The following FARSA variants were observed in gnomAD, a reference collection of about 807,000 sequenced individuals.
FARSA encodes the protein phenylalanine--tRNA ligase alpha subunit.
Under a neutral mutation model 63.2 loss-of-function variants are expected in FARSA, and 37 were observed. The observed-to-expected ratio is 0.59, with a 90% confidence interval of 0.45 to 0.77. FARSA has a LOEUF of 0.77. Among genes scored for constraint, FARSA ranks in the 30% least tolerant of loss-of-function variants. The pLI is 0.00. For synonymous variants in FARSA, 312 were observed against 285.1 expected (o/e 1.09, Z -0.95); for missense variants, 618 against 696.6 (o/e 0.89, Z 1.27).
chr19:12,926,246 C>T (rs921420025), intron 7 of FARSA, among the ~76,000 whole-genome samples: 14 of 149,932 alleles, frequency 9.3e-5, no homozygotes, highest in African/African-American at 3.4e-4. Flanking sequence ...CCACCGCGCC[C>T]GGCCTATTTT....
At chr19:12,933,317 C>T in intron 1 of FARSA, 1 of 513,066 alleles carries the variant, frequency 1.9e-6, no homozygotes, top group Non-Finnish European at 3.4e-6. Flanking sequence ...CCTCGTCCAT[C>T]ATCGTACCCT....
At chr19:12,931,465 T>C (rs1377628531) in intron 1 of FARSA, among the ~76,000 whole-genome samples, 1 of 152,214 alleles carries the variant, frequency 6.6e-6, no homozygotes, top group East Asian at 1.9e-4. Flanking sequence ...GGTTTCACCA[T>C]GTTGGCCAGG....
Position 12,925,119 on chromosome 19 carries a change from G to C in FARSA, c.897C>G (p.Thr299=). The C allele has an allele frequency of 6.2e-7, 1 of 1,609,954 alleles. No individual in the cohort carries two copies. The highest frequency in any genetic ancestry group is 8.5e-7 in the Non-Finnish European group (1 of 1,178,702). ...PMDYVQRVKR[T]HSQGGYGSQG... ...GTGAGCCGTAGCCGCCCTGAGAGTG[G>C]GTCCGCTTGACCCGCTGGACATAGT... The change falls in exon 8 of 13, where the codon ACC becomes ACG. Residue 299 remains threonine, a synonymous_variant. Coordinates refer to ENST00000314606, the MANE Select transcript of FARSA (RefSeq NM_004461.3).
At chr19:12,927,888 G>A (rs1971344437) in intron 7 of FARSA, among the ~76,000 whole-genome samples, 1 of 151,418 alleles carries the variant, frequency 6.6e-6, no homozygotes. Flanking sequence ...TGGGCATGGT[G>A]GTATGCACCT....
In FARSA at chr19:12,922,741, G is replaced by A. The variant is rs1391598014; in HGVS notation, c.*7C>T. On this transcript the variant is annotated 3_prime_UTR_variant, in exon 13 of 13. Transcript: ENST00000314606. ...GGGGAGGATGACCTGTCCTAGAGTG[G>A]CCCATGTCACGCAGCCTCCTGTGTG... is the stretch of plus-strand genomic sequence containing the variant. 2 of 1,613,210 alleles carry A rather than the reference G, an allele frequency of 1.2e-6. No individual in the cohort carries two copies.
chr19:12,933,504 T>G, intron 1 of FARSA, 46 bp downstream of exon 1: 2 of 1,529,576 alleles, frequency 1.3e-6, no homozygotes, highest in South Asian at 1.2e-5. Flanking sequence ...GCAAGGGGAC[T>G]GTAGGTGCAA....
chr19:12,927,889 G>GT, intron 7 of FARSA, among the ~76,000 whole-genome samples: 1 of 151,512 alleles, frequency 6.6e-6, no homozygotes, highest in African/African-American at 2.4e-5. Flanking sequence ...GGGCATGGTG[G>GT]TATGCACCTG....
At chr19:12,928,247 G>T in intron 7 of FARSA, 95 bp downstream of exon 7, 1 of 982,714 alleles carries the variant, frequency 1.0e-6, no homozygotes, top group Non-Finnish European at 1.5e-6. Flanking sequence ...CCCAGTTCTA[G>T]ACCTAATTTG....
intron 12 of FARSA, 92 bp from the exon 13 acceptor site, chr19:12,922,978 G>A: frequency 1.3e-6 from 2 of 1,566,486 alleles, no homozygotes; most frequent in Non-Finnish European, 1.7e-6. Context: ...CAGAGGAAAA[G>A]TTCAAGTTCT....
chr19:12,928,971 A>G, intron 4 of FARSA, 124 bp from the exon 5 acceptor site: 1 of 814,154 alleles, frequency 1.2e-6, no homozygotes, highest in Middle Eastern at 2.2e-4. Context: ...CCATCCTGAC[A>G]TTTATCACTA....
intron 1 of FARSA, among the ~76,000 whole-genome samples, chr19:12,932,104 C>T (rs1971404608): frequency 6.9e-6 from 1 of 145,072 alleles, no homozygotes; most frequent in Non-Finnish European, 1.5e-5. Flanking sequence ...GATCTCGGCT[C>T]ACTGCAACCT....
At position 12,930,450 on chromosome 19, in the gene FARSA, G is replaced by A. The variant is rs1235986080; in HGVS notation, c.363C>T (p.Asp121=). The change falls in exon 3 of 13, where the codon GAC becomes GAT. Residue 121 remains aspartate, a synonymous_variant. Transcript: ENST00000314606. ...KWIRVDKSAA[D]GPRVFRVVDS... ...GCACCACTCGGAACACCCGGGGCCC[G>A]TCAGCCGCACTCTTGTCCACCCGAA... 29 of 1,614,004 alleles carry A rather than the reference G, an allele frequency of 1.8e-5. No homozygotes were observed. Among genetic ancestry groups the A allele is most frequent in the African/African-American group, 4.0e-5 (3 of 74,942 alleles).
At chr19:12,927,723 CTG>C (rs1449105801) in intron 7 of FARSA, among the ~76,000 whole-genome samples, 1 of 71,708 alleles carries the variant, frequency 1.4e-5, no homozygotes, top group African/African-American at 6.3e-5. Context: ...CAGAATGAGA[CTG>C]TCTCAAAAAA....
Position 12,924,427 on chromosome 19 carries a change from C to T in FARSA, c.1273+22G>A. 1 of 1,610,994 alleles carries T rather than the reference C, an allele frequency of 6.2e-7. No homozygotes were observed. The highest frequency in any genetic ancestry group is 8.5e-7 in the Non-Finnish European group (1 of 1,178,588). On this transcript the variant is annotated intron_variant, in intron 11 of 12. Coordinates refer to ENST00000314606, the MANE Select transcript of FARSA (RefSeq NM_004461.3). This position sits in a 1 kb window ranked among gnomAD's most constrained non-coding sequence, Gnocchi z 6.4. ...GTAGCCTGAGACCTCCCTCCCACCCCAGTACCAGGGCCTACCCTGACCTTG... is the reference window on the plus strand; with the variant it reads ...GTAGCCTGAGACCTCCCTCCCACCCTAGTACCAGGGCCTACCCTGACCTTG...
chr19:12,928,321 A>G (rs747175353), intron 7 of FARSA, 21 bp downstream of exon 7: 2 of 1,597,806 alleles, frequency 1.3e-6, no homozygotes, highest in South Asian at 2.2e-5. Context: ...TGTCTCAGGG[A>G]GGCCCTAGGG....
chr19:12,928,603 G>A lies in FARSA; in HGVS notation c.657C>T (p.Pro219=), dbSNP rs767844578. The A allele has an allele frequency of 2.3e-5, 37 of 1,612,396 alleles. No individual in the cohort carries two copies. The highest frequency in any genetic ancestry group is 6.7e-5 in the East Asian group (3 of 44,798). The part of the protein sequence containing the change: ...PYNFLAHGVL[P]DSGHLHPLLK... ...GCAGCGGGTGAAGGTGGCCGCTGTC[G>A]GGGAGGACACCGTGGGCCAAGAAGT... Residue 219 remains proline, a synonymous_variant, in exon 6 of 13, where the codon CCC becomes CCT. Transcript: ENST00000314606.
At chr19:12,933,517 G>A (rs1358871924) in intron 1 of FARSA, 33 bp downstream of exon 1, 8 of 1,535,666 alleles carry the variant, frequency 5.2e-6, no homozygotes, top group Non-Finnish European at 7.0e-6. Flanking sequence ...AGGTGCAAGG[G>A]CAAGGCGGTC....
At position 12,933,608 on chromosome 19, in the gene FARSA, A is replaced by AG; in HGVS notation, c.88dup (p.Leu30ProfsTer25). On this transcript the variant is annotated frameshift_variant, in exon 1 of 13. Transcript: ENST00000314606. LOFTEE classifies it high-confidence loss of function. ...CACCACCGCCTGGTGCTCCATGCCC[A>AG]GCTCAGCCGCCAACTCGGCGCTGTC... 1 of 1,556,136 alleles carries AG rather than the reference A, an allele frequency of 6.4e-7. No homozygotes were observed. The highest frequency in any genetic ancestry group is 8.7e-7 in the Non-Finnish European group (1 of 1,155,000).
chr19:12,929,358 C>A (rs1250265347), intron 4 of FARSA, among the ~76,000 whole-genome samples: 1 of 152,214 alleles, frequency 6.6e-6, no homozygotes, highest in Non-Finnish European at 1.5e-5. Context: ...AGGCACCCGC[C>A]ACCACACCCG....
Sources: gnomAD v4.1 joint callset for allele counts (sites outside exome capture counted in the v4.1 genomes callset) on GRCh38, gnomAD v4.1.1 for gene constraint, Gnocchi (gnomAD v3.1) non-coding constraint, MANE v1.5 for transcripts, NCBI Gene and HGNC (gene_info 2026-07-23, HGNC 2026-07-21) for gene names.